The following ATOSA variants were observed in gnomAD, a reference collection of about 807,000 sequenced individuals.
The protein encoded by ATOSA is atos homolog protein A.
the ATOSA span, among the ~76,000 whole-genome samples, chr15:52,652,871 T>G: frequency 2.0e-5 from 3 of 152,212 alleles, no homozygotes; most frequent in Non-Finnish European, 4.4e-5. Flanking sequence ...TACCAGTTCA[T>G]ACTGTCTCCA....
chr15:52,698,640 A>G, the ATOSA span, among the ~76,000 whole-genome samples: 3 of 152,240 alleles, frequency 2.0e-5, no homozygotes, highest in Non-Finnish European at 2.9e-5. Context: ...TATGTGACTC[A>G]TTTATACAAA....
the ATOSA span, chr15:52,652,196 C>T: frequency 1.4e-6 from 1 of 692,230 alleles, no homozygotes; most frequent in Non-Finnish European, 2.0e-6. Flanking sequence ...GCTCGTCTTA[C>T]AAACTCAGCT....
chr15:52,611,909 T>A, the ATOSA span: 24 of 798,618 alleles, frequency 3.0e-5, no homozygotes, highest in African/African-American at 3.1e-4. Context: ...TTGCTCAGAA[T>A]TGGCTATCTA....
the ATOSA span, chr15:52,609,811 T>C: frequency 1.2e-6 from 2 of 1,613,220 alleles, no homozygotes; most frequent in Non-Finnish European, 1.7e-6. Context: ...TTGCCGCTCC[T>C]GAATTAAAGA....
the ATOSA span, among the ~76,000 whole-genome samples, chr15:52,673,082 T>C: frequency 4.6e-5 from 7 of 152,240 alleles, no homozygotes; most frequent in African/African-American, 1.7e-4. Context: ...GACTGGTTTC[T>C]TCTTTAGAAA....
chr15:52,685,181 C>T, the ATOSA span, among the ~76,000 whole-genome samples: 1 of 152,212 alleles, frequency 6.6e-6, no homozygotes, highest in African/African-American at 2.4e-5. Flanking sequence ...TGTTCCTCAA[C>T]CAAGTGATGC....
the ATOSA span, among the ~76,000 whole-genome samples, chr15:52,627,518 T>C: frequency 2.6e-5 from 4 of 152,192 alleles, no homozygotes; most frequent in East Asian, 1.9e-4. Context: ...ATTTAGCTTA[T>C]TGAAAGGCAC....
chr15:52,673,593 A>G, the ATOSA span, among the ~76,000 whole-genome samples: 1 of 152,232 alleles, frequency 6.6e-6, no homozygotes, highest in Non-Finnish European at 1.5e-5. Context: ...ATGAACAAGT[A>G]TTAGCTGTTG....
At chr15:52,634,730 C>T in the ATOSA span, among the ~76,000 whole-genome samples, 1 of 151,674 alleles carries the variant, frequency 6.6e-6, no homozygotes, top group Admixed American at 6.6e-5. Context: ...GCCTCCCGAG[C>T]ACCTGGGATT....
the ATOSA span, among the ~76,000 whole-genome samples, chr15:52,647,303 C>T: frequency 6.6e-6 from 1 of 151,186 alleles, no homozygotes; most frequent in Non-Finnish European, 1.5e-5. Context: ...GAATGGAAAC[C>T]AGATTAAACC....
At chr15:52,619,630 C>G in the ATOSA span, among the ~76,000 whole-genome samples, 7 of 151,822 alleles carry the variant, frequency 4.6e-5, no homozygotes, top group Non-Finnish European at 1.0e-4. Flanking sequence ...GTCAGGGGTT[C>G]GAGACCAGCC....
At chr15:52,671,293 G>A in the ATOSA span, among the ~76,000 whole-genome samples, 8 of 152,130 alleles carry the variant, frequency 5.3e-5, no homozygotes, top group Admixed American at 3.3e-4. Context: ...GTATAAAATT[G>A]TGATAACAGC....
At chr15:52,623,849 A>G in the ATOSA span, among the ~76,000 whole-genome samples, 2 of 152,196 alleles carry the variant, frequency 1.3e-5, no homozygotes, top group African/African-American at 4.8e-5. Context: ...CATTCATGTA[A>G]TACAACAGCC....
At chr15:52,596,493 A>G in the ATOSA span, among the ~76,000 whole-genome samples, 5 of 152,220 alleles carry the variant, frequency 3.3e-5, no homozygotes, top group African/African-American at 1.2e-4. Flanking sequence ...TTAACTCAAA[A>G]TAGATCACAG....
the ATOSA span, among the ~76,000 whole-genome samples, chr15:52,588,836 G>T: frequency 6.6e-6 from 1 of 152,218 alleles, no homozygotes. Flanking sequence ...TAGTTAAGGA[G>T]AACTGTATGT....
At chr15:52,613,950 C>T in the ATOSA span, 2 of 958,478 alleles carry the variant, frequency 2.1e-6, no homozygotes, top group Non-Finnish European at 3.3e-6. Context: ...TCACATTACA[C>T]ATTATTCATT....
the ATOSA span, among the ~76,000 whole-genome samples, chr15:52,618,419 C>T: frequency 3.9e-5 from 6 of 152,102 alleles, no homozygotes; most frequent in African/African-American, 1.4e-4. Context: ...TAAAGAGCAC[C>T]TGATCATTTC....
chr15:52,654,551 A>G, the ATOSA span, among the ~76,000 whole-genome samples: 3 of 152,126 alleles, frequency 2.0e-5, no homozygotes, highest in African/African-American at 7.2e-5. Flanking sequence ...TCAATCCCCA[A>G]TCACAACAAA....
the ATOSA span, among the ~76,000 whole-genome samples, chr15:52,696,705 A>AT: frequency 6.6e-6 from 1 of 152,172 alleles, no homozygotes; most frequent in African/African-American, 2.4e-5. Context: ...ATTTATATGC[A>AT]TTACCACTTT....
Sources: gnomAD v4.1 joint callset for allele counts (sites outside exome capture counted in the v4.1 genomes callset) on GRCh38, gnomAD v4.1.1 for gene constraint, MANE v1.5 for transcripts, NCBI Gene and HGNC (gene_info 2026-07-23, HGNC 2026-07-21) for gene names.